The following RETREG2 variants were observed in gnomAD, a reference collection of about 807,000 sequenced individuals.
RETREG2 encodes the protein reticulophagy regulator 2.
RETREG2 carries 21 observed loss-of-function variants against 51.6 expected under a neutral mutation model. The ratio of observed to expected loss-of-function variants is 0.41; its 90% CI spans 0.29 to 0.59. RETREG2 has a LOEUF of 0.59. Ranked by LOEUF, RETREG2 falls within the 20% of genes least tolerant of loss-of-function variation. The pLI is 0.34. For synonymous variants in RETREG2, 339 were observed against 288.6 expected, an observed-to-expected ratio of 1.17 and a Z score of -1.77; for missense variants, 674 against 646.0, an observed-to-expected ratio of 1.04 and a Z score of -0.47.
rs1261965468 is a variant in RETREG2 at position 219,178,640 on chromosome 2, G to T, written c.281+7G>T. ...CGCTCAACGGCCTCTTCTGGTAACG[G>T]CCGCGGAGGAGGGGGCGGGGCCGGG... On this transcript the variant is annotated splice_region_variant and intron_variant, in intron 1 of 8. Transcript: ENST00000430297. 1.4e-6 allele frequency: 2 copies of T among 1,442,518 alleles called. No homozygotes were observed. Among genetic ancestry groups the T allele is most frequent in the East Asian group, 2.8e-5 (1 of 35,302 alleles). 89.4% of individuals were successfully genotyped at this position (1,442,518 alleles called of 1,614,324 possible).
chr2:219,180,022 T>G, intron 3 of RETREG2, 88 bp from the exon 4 acceptor site: 1 of 1,545,928 alleles, frequency 6.5e-7, no homozygotes, highest in African/African-American at 1.4e-5. Context: ...TTTTTTAGAC[T>G]AAAGATATCT....
intron 7 of RETREG2, 33 bp downstream of exon 7, chr2:219,181,496 G>A (rs1269417590): frequency 6.2e-7 from 1 of 1,611,318 alleles, no homozygotes; most frequent in East Asian, 2.2e-5. Context: ...GTGTCAAATA[G>A]AAAGCCAGAG....
intron 3 of RETREG2, 139 bp from the exon 4 acceptor site, chr2:219,179,971 A>G (rs1950253689): frequency 1.5e-6 from 2 of 1,295,170 alleles, no homozygotes; most frequent in African/African-American, 1.5e-5. Context: ...CTTTGCTTCT[A>G]AGACCAGGAC....
Position 219,183,801 on chromosome 2 carries a change from C to T in RETREG2, c.*1172C>T, listed in dbSNP as rs146896453. 2.6e-5 allele frequency: 4 copies of T among 152,336 alleles called. No homozygotes were observed. The East Asian group carries it at 7.7e-4, about 29-fold the overall frequency. The allele number at this position is 152,336 out of a possible 1,614,324, so 9.4% of individuals were successfully genotyped here. On this transcript the variant is annotated 3_prime_UTR_variant, in exon 9 of 9. Coordinates refer to ENST00000430297, the MANE Select transcript of RETREG2 (RefSeq NM_024293.6). ...TTTACCATGTGGCCTACAACCTTAA[C>T]ACTGCTTTCTTAAGAAGTCTTCACC... is the stretch of plus-strand genomic sequence containing the variant.
rs1209071323 is a variant in RETREG2, at chr2:219,178,949, C to T, written c.309C>T (p.Pro103=). 1.9e-6 allele frequency: 3 copies of T among 1,614,004 alleles called. No homozygotes were observed. The highest frequency in any genetic ancestry group is 2.5e-6 in the Non-Finnish European group (3 of 1,179,896). Residue 103 remains proline, a synonymous_variant, in exon 2 of 9, where the codon CCC becomes CCT. Transcript: ENST00000430297. ...FWLLSSSSLR[P]FFLLSVSLLA... is the part of the protein sequence containing the mutation. ...TGCTGTCTTCCTCGTCCCTCCGGCC[C>T]TTCTTCCTACTCAGCGTCTCACTTT... is the stretch of plus-strand genomic sequence containing the variant.
At position 219,178,609 on chromosome 2, in the gene RETREG2, C is replaced by T. The variant is rs1950223454; in HGVS notation, c.257C>T (p.Ala86Val). Residue 86 changes from alanine to valine, a missense_variant, in exon 1 of 9, where the codon GCG (alanine) becomes GTG (valine). Ala to Val is a moderately conservative substitution (Grantham distance 64, BLOSUM62 0). Transcript: ENST00000430297. ...WEKPLHSLVT[A>V]AALNGLFWLL... Reference sequence around the variant, plus strand: ...AAGCCGCTGCACAGCCTGGTCACGGCGGCCGCGCTCAACGGCCTCTTCTGG... The same window carrying T: ...AAGCCGCTGCACAGCCTGGTCACGGTGGCCGCGCTCAACGGCCTCTTCTGG... 4 of 1,457,076 alleles carry T rather than the reference C, an allele frequency of 2.7e-6. No individual in the cohort carries two copies. Among genetic ancestry groups the T allele is most frequent in the African/African-American group, 1.5e-5 (1 of 67,276 alleles). 90.3% of individuals were successfully genotyped at this position (1,457,076 alleles called of 1,614,324 possible).
At position 219,180,555 on chromosome 2, in the gene RETREG2, C is replaced by T. The variant is rs551565697; in HGVS notation, c.556-115C>T. The T allele has an allele frequency of 7.2e-5, 113 of 1,569,198 alleles. No individual in the cohort carries two copies. In the African/African-American group the frequency reaches 1.3e-3, roughly 18 times the overall value. On this transcript the variant is annotated intron_variant, in intron 4 of 8. Transcript: ENST00000430297. Reference sequence around the variant, plus strand: ...GCATCCTCTTAACCAAACTGGACCACCCCATTCCTTGAGTACATACCCATC... The same window carrying T: ...GCATCCTCTTAACCAAACTGGACCATCCCATTCCTTGAGTACATACCCATC...
Position 219,181,219 on chromosome 2 carries a change from C to T in RETREG2, c.784+14C>T, listed in dbSNP as rs749047699. 10 of 1,613,636 alleles carry T rather than the reference C, an allele frequency of 6.2e-6. No individual in the cohort carries two copies. In the African/African-American group the frequency reaches 1.2e-4, roughly 19 times the overall value. On this transcript the variant is annotated intron_variant, in intron 6 of 8. Transcript: ENST00000430297. ...ACGACAAGAGGAGTAAGGGGCTGCCCTAAGCCAGGAGGGTGAAAGAGCGGG... is the reference window on the plus strand; with the variant it reads ...ACGACAAGAGGAGTAAGGGGCTGCCTTAAGCCAGGAGGGTGAAAGAGCGGG...
chr2:219,178,877 G>T (rs1260205833), intron 1 of RETREG2, 45 bp from the exon 2 acceptor site: 3 of 1,404,584 alleles, frequency 2.1e-6, no homozygotes, highest in Non-Finnish European at 3.0e-6. Flanking sequence ...GGATGCATGA[G>T]CCTGTCTCAC....
At position 219,180,548 on chromosome 2, in the gene RETREG2, T is replaced by C. The variant is rs531889575; in HGVS notation, c.556-122T>C. 1.3e-4 allele frequency: 197 copies of C among 1,547,732 alleles called. No individual in the cohort carries two copies. In the Admixed American group the frequency reaches 2.6e-3, roughly 20 times the overall value. ...GTCTTGAGCATCCTCTTAACCAAAC[T>C]GGACCACCCCATTCCTTGAGTACAT... On this transcript the variant is annotated intron_variant, in intron 4 of 8. Transcript: ENST00000430297.
chr2:219,180,689 C>G lies in RETREG2; in HGVS notation c.575C>G (p.Ser192Cys), dbSNP rs878998209. Reference protein sequence around the residue: ...NPAQFCVRVCSGCAVLAVLGH... With the variant: ...NPAQFCVRVCCGCAVLAVLGH... ...CTGCAGTTCTGCGTTCGAGTCTGCTCTGGCTGTGCTGTGTTGGCTGTGTTG... is the reference window on the plus strand; with the variant it reads ...CTGCAGTTCTGCGTTCGAGTCTGCTGTGGCTGTGCTGTGTTGGCTGTGTTG... The change falls in exon 5 of 9, where the codon TCT becomes TGT. Residue 192 changes from serine to cysteine, a missense_variant. By Grantham distance (112) the Ser-to-Cys change is moderately radical. Coordinates refer to ENST00000430297, the MANE Select transcript of RETREG2 (RefSeq NM_024293.6). The G allele has an allele frequency of 6.2e-7, 1 of 1,613,760 alleles. No individual in the cohort carries two copies. Among genetic ancestry groups the G allele is most frequent in the Non-Finnish European group, 8.5e-7 (1 of 1,179,638 alleles).
Position 219,182,787 on chromosome 2 carries a change from T to C in RETREG2, c.*158T>C, listed in dbSNP as rs1950302188. Reference sequence around the variant, plus strand: ...ACCCTCTGCCTGCCTGCCTGCCTGCTGTCCTGGGCATGGTGCAGTACCTGT... The same window carrying C: ...ACCCTCTGCCTGCCTGCCTGCCTGCCGTCCTGGGCATGGTGCAGTACCTGT... On this transcript the variant is annotated 3_prime_UTR_variant, in exon 9 of 9. Coordinates refer to ENST00000430297, the MANE Select transcript of RETREG2 (RefSeq NM_024293.6). 3 of 784,070 alleles carry C rather than the reference T, an allele frequency of 3.8e-6. No homozygotes were observed. Among genetic ancestry groups the C allele is most frequent in the African/African-American group, 3.5e-5 (2 of 57,670 alleles). 48.6% of individuals were successfully genotyped at this position (784,070 alleles called of 1,614,324 possible).
Position 219,179,004 on chromosome 2 carries a change from C to T in RETREG2, c.364C>T (p.Pro122Ser). 1.2e-6 allele frequency: 2 copies of T among 1,612,996 alleles called. No homozygotes were observed. The change falls in exon 2 of 9, where the codon CCT becomes TCT. Residue 122 changes from proline (P) to serine (S), a missense_variant. Pro to Ser is a moderately conservative substitution (Grantham distance 74, BLOSUM62 -1). Coordinates refer to ENST00000430297, the MANE Select transcript of RETREG2 (RefSeq NM_024293.6). ...LAYFLLDLWQ[P>S]RFLPDVSASS... ...CTATTTTCTGCTGGATCTCTGGCAGCCTCGCTTTCTCCCTGACGTTTCAGG... is the reference window on the plus strand; with the variant it reads ...CTATTTTCTGCTGGATCTCTGGCAGTCTCGCTTTCTCCCTGACGTTTCAGG...
Position 219,182,528 on chromosome 2 carries a change from C to T in RETREG2, c.1531C>T (p.Pro511Ser), listed in dbSNP as rs761552626. 77 of 1,614,032 alleles carry T rather than the reference C, an allele frequency of 4.8e-5. No individual in the cohort carries two copies. The highest frequency in any genetic ancestry group is 6.1e-5 in the Non-Finnish European group (72 of 1,180,026). ...GCTGAATGCAGAGCTGGGCTTGGAG[C>T]CAGAGACACCGCCAAAACCCCCTGA... is the stretch of plus-strand genomic sequence containing the variant. ...EQLNAELGLE[P>S]ETPPKPPDAP... The change falls in exon 9 of 9, where the codon CCA becomes TCA. Residue 511 changes from proline to serine, a missense_variant. Pro to Ser is a moderately conservative substitution (Grantham distance 74, BLOSUM62 -1). Transcript: ENST00000430297.
At chr2:219,180,498 G>A (rs1950262759) in intron 4 of RETREG2, among the ~76,000 whole-genome samples, 172 bp from the exon 5 acceptor site, 1 of 152,226 alleles carries the variant, frequency 6.6e-6, no homozygotes, top group Admixed American at 6.5e-5. Context: ...TGGGCATTAT[G>A]TATTGCCAGC....
chr2:219,182,962 C>T lies in RETREG2; in HGVS notation c.*333C>T. The stretch of plus-strand genomic sequence containing the variant: ...TATGCCCCAAGCCCTGGTGGTCTGG[C>T]CCTTTCTTTTTCCTCCTATCCTCAG... On this transcript the variant is annotated 3_prime_UTR_variant, in exon 9 of 9. Transcript: ENST00000430297. 5.9e-6 allele frequency: 2 copies of T among 336,662 alleles called. No individual in the cohort carries two copies. Among genetic ancestry groups the T allele is most frequent in the Non-Finnish European group, 1.1e-5 (2 of 178,822 alleles). The allele number at this position is 336,662 out of a possible 1,614,324, so 20.9% of individuals were successfully genotyped here. A position where few individuals can be genotyped will look rare whatever the true frequency, so the allele number is the denominator to read the frequency against.
intron 1 of RETREG2, 64 bp downstream of exon 1, chr2:219,178,697 A>T: frequency 1.4e-6 from 2 of 1,395,634 alleles, no homozygotes; most frequent in Non-Finnish European, 9.3e-7. Flanking sequence ...CGAGAGCACC[A>T]TTCCCCTTTC....
chr2:219,178,754 A>G, intron 1 of RETREG2, 121 bp downstream of exon 1: 2 of 1,250,946 alleles, frequency 1.6e-6, no homozygotes, highest in South Asian at 1.5e-5. Flanking sequence ...CAGTTTTTGC[A>G]GGCTGACATC....
rs751985963 is a variant in RETREG2 at position 219,182,049 on chromosome 2, A to T, written c.1052A>T (p.Glu351Val). The T allele has an allele frequency of 6.2e-7, 1 of 1,614,090 alleles. No individual in the cohort carries two copies. The stretch of plus-strand genomic sequence containing the variant: ...CAGAGCCTGCCAAGTGAACCAGAGG[A>T]GACCCTAAGCCGGGACCTAGGGGAG... ...DQQSLPSEPE[E>V]TLSRDLGEGE... Residue 351 changes from glutamate (E) to valine (V), a missense_variant, in exon 9 of 9, where the codon GAG becomes GTG. Physicochemically the swap from Glu to Val is moderately radical, Grantham distance 121. Coordinates refer to ENST00000430297, the MANE Select transcript of RETREG2 (RefSeq NM_024293.6).
Sources: gnomAD v4.1 joint callset for allele counts (sites outside exome capture counted in the v4.1 genomes callset) on GRCh38, gnomAD v4.1.1 for gene constraint, MANE v1.5 for transcripts, NCBI Gene and HGNC (gene_info 2026-07-23, HGNC 2026-07-21) for gene names.